PCDHGB3: variants seen among roughly 807,000 people sequenced by gnomAD.
PCDHGB3 encodes the protein protocadherin gamma-B3.
Under a neutral mutation model 59.2 loss-of-function variants are expected in PCDHGB3, and 40 were observed. The ratio of observed to expected loss-of-function variants is 0.68; its 90% confidence interval spans 0.52 to 0.88. The LOEUF is 0.88. PCDHGB3 is among the 40% of genes least tolerant of loss of function. The probability of loss-of-function intolerance (pLI) is 0.00; values close to 1 mark genes in which losing one functional copy is unlikely to be tolerated. For missense variants in PCDHGB3, 1,309 were observed against 1,187.9 expected, an observed-to-expected ratio of 1.10 and a Z score of -1.50; for synonymous variants, 581 against 503.6, an observed-to-expected ratio of 1.15 and a Z score of -2.06.
chr5:141,401,370 G>A (rs1226150761), intron 1 of PCDHGB3, among the ~76,000 whole-genome samples: 1 of 152,028 alleles, frequency 6.6e-6, no homozygotes, highest in Non-Finnish European at 1.5e-5. Flanking sequence ...AGGAGAGGAA[G>A]AAGAAGAAAA....
chr5:141,400,515 T>C lies in PCDHGB3; in HGVS notation c.2415+27706T>C, dbSNP rs367864769. On this transcript the variant is annotated intron_variant, in intron 1 of 3. Coordinates refer to ENST00000576222, the MANE Select transcript of PCDHGB3 (RefSeq NM_018924.5). ...GTAATTCCAGCGAGTCGACTTCCCATCCTGAGTTGGTGAGTTTCATTTATG... is the reference window on the plus strand; with the variant it reads ...GTAATTCCAGCGAGTCGACTTCCCACCCTGAGTTGGTGAGTTTCATTTATG... 2,129 of 1,613,988 alleles carry C rather than the reference T, an allele frequency of 1.3e-3. 41 individuals are homozygous for C. In the South Asian group the frequency reaches 0.02, roughly 15 times the overall value.
At chr5:141,389,828 A>C in intron 1 of PCDHGB3, 1 of 1,613,938 alleles carries the variant, frequency 6.2e-7, no homozygotes, top group Non-Finnish European at 8.5e-7. Flanking sequence ...GTGACGGTGG[A>C]CAGCCACCAC....
chr5:141,442,981 C>T (rs2098357132), intron 1 of PCDHGB3, among the ~76,000 whole-genome samples: 1 of 152,142 alleles, frequency 6.6e-6, no homozygotes, highest in African/African-American at 2.4e-5. Flanking sequence ...ATAAAGTTAG[C>T]CTATAATTTC....
intron 1 of PCDHGB3, chr5:141,484,875 T>G: frequency 3.2e-6 from 1 of 317,108 alleles, no homozygotes; most frequent in Non-Finnish European, 5.8e-6. Context: ...GCGTGGAGGA[T>G]AGGGTGGGCT....
rs1419819549 is a variant in PCDHGB3 at position 141,405,132 on chromosome 5, C to T, written c.2415+32323C>T. ...TGGCACTCCTCGCATCTGCTGCGGG[C>T]TACCAGTGATGGGTTGGCTGGTGTG... On this transcript the variant is annotated intron_variant, in intron 1 of 3. Transcript: ENST00000576222. 2 of 1,614,032 alleles carry T rather than the reference C, an allele frequency of 1.2e-6. No individual in the cohort carries two copies. Among genetic ancestry groups the T allele is most frequent in the East Asian group, 4.5e-5 (2 of 44,860 alleles).
At chr5:141,388,569 C>T (rs368780854) in intron 1 of PCDHGB3, 7 of 1,613,862 alleles carry the variant, frequency 4.3e-6, no homozygotes, top group African/African-American at 1.3e-5. Context: ...TGCACAGATA[C>T]ACGTTCTAGT....
rs79464787 is a variant in PCDHGB3, at chr5:141,480,455, T to C, written c.2416-14352T>C. Among the ~76,000 whole-genome samples the C allele has an allele frequency of 7.4e-3, 1,134 of 152,274 alleles. 17 individuals are homozygous for C. The highest frequency in any genetic ancestry group is 0.026 in the African/African-American group (1,086 of 41,548). ...CAGCTATTACTATAATTATTTTTAT[T>C]AGTTCCTCACTCACCTAAAATCTCA... On this transcript the variant is annotated intron_variant, in intron 1 of 3. Transcript: ENST00000576222.
In PCDHGB3 at chr5:141,477,292, A is replaced by G; in HGVS notation, c.2416-17515A>G. The G allele has an allele frequency of 1.2e-6, 2 of 1,614,114 alleles. No individual in the cohort carries two copies. The highest frequency in any genetic ancestry group is 4.5e-5 in the East Asian group (2 of 44,862). On this transcript the variant is annotated intron_variant, in intron 1 of 3. Transcript: ENST00000576222. The surrounding 1 kb of genome is among the most constrained non-coding windows in gnomAD (Gnocchi z 4.9). ...ACGGGCTGGTGACCTGCGAAGTTCCACCGGGTCTCCCTTTCAGCCTTACTT... is the reference window on the plus strand; with the variant it reads ...ACGGGCTGGTGACCTGCGAAGTTCCGCCGGGTCTCCCTTTCAGCCTTACTT...
intron 1 of PCDHGB3, among the ~76,000 whole-genome samples, chr5:141,445,554 C>T (rs898901856): frequency 3.3e-5 from 5 of 152,102 alleles, no homozygotes; most frequent in African/African-American, 1.2e-4. Context: ...TACAAAAGCA[C>T]TAAGAGAAAG....
At chr5:141,505,780 G>A (rs1595982811) in intron 3 of PCDHGB3, among the ~76,000 whole-genome samples, 1 of 139,456 alleles carries the variant, frequency 7.2e-6, no homozygotes, top group Non-Finnish European at 1.6e-5. Flanking sequence ...TCCTAGCTCT[G>A]CTACTATCCT....
chr5:141,434,877 C>A (rs1266355299), intron 1 of PCDHGB3, among the ~76,000 whole-genome samples: 1 of 151,612 alleles, frequency 6.6e-6, no homozygotes, highest in Non-Finnish European at 1.5e-5. Flanking sequence ...TGACAGATAC[C>A]AACAACAATC....
At chr5:141,409,866 G>T in intron 1 of PCDHGB3, 1 of 1,612,376 alleles carries the variant, frequency 6.2e-7, no homozygotes, top group Non-Finnish European at 8.5e-7. Context: ...GTGGGAGACC[G>T]CAATGACAAC....
chr5:141,460,961 ATGTGTGTG>A (rs35821115), intron 1 of PCDHGB3, among the ~76,000 whole-genome samples: 11 of 144,552 alleles, frequency 7.6e-5, no homozygotes, highest in South Asian at 2.2e-4. Context: ...GTATATATAT[ATGTGTGTG>A]TGTGTGTGTG....
At position 141,459,173 on chromosome 5, in the gene PCDHGB3, AG is replaced by A. The variant is rs370401072; in HGVS notation, c.2416-35633del. Among the ~76,000 whole-genome samples the A allele has an allele frequency of 3.1e-3, 479 of 152,326 alleles. 10 individuals carry two copies. In the South Asian group the frequency reaches 0.063, roughly 20 times the overall value. ...ATAGAACATTTCTATAACCTTCAAA[AG>A]TTCCCTCATGCCCCTTTGCAATCAA... On this transcript the variant is annotated intron_variant, in intron 1 of 3. Coordinates refer to ENST00000576222, the MANE Select transcript of PCDHGB3 (RefSeq NM_018924.5).
At chr5:141,507,896 G>A (rs1457319438) in intron 3 of PCDHGB3, among the ~76,000 whole-genome samples, 1 of 152,210 alleles carries the variant, frequency 6.6e-6, no homozygotes, top group African/African-American at 2.4e-5. Flanking sequence ...GGTTCCTGAA[G>A]TCCAGCCCAG....
chr5:141,415,461 T>C, intron 1 of PCDHGB3: 5 of 1,614,180 alleles, frequency 3.1e-6, no homozygotes, highest in Non-Finnish European at 4.2e-6. Context: ...ACGAGGTCTC[T>C]CTCACCGCGG....
intron 1 of PCDHGB3, chr5:141,383,667 A>G (rs1167694570): frequency 1.9e-6 from 3 of 1,614,020 alleles, no homozygotes; most frequent in Non-Finnish European, 2.5e-6. Context: ...AGAATGTGCC[A>G]GTGGGTACAA....
intron 1 of PCDHGB3, chr5:141,404,898 A>G (rs760424169): frequency 1.9e-6 from 3 of 1,613,714 alleles, no homozygotes; most frequent in Non-Finnish European, 2.5e-6. Context: ...GTACAGGACC[A>G]TGGCCAGCCC....
intron 1 of PCDHGB3, chr5:141,383,078 C>G (rs749152940): frequency 2.5e-6 from 4 of 1,613,840 alleles, no homozygotes; most frequent in South Asian, 2.2e-5. Flanking sequence ...CGGGAGCTGG[C>G]GGAGCGCGGA....
Sources: gnomAD v4.1 joint callset for allele counts (sites outside exome capture counted in the v4.1 genomes callset) on GRCh38, gnomAD v4.1.1 for gene constraint, Gnocchi (gnomAD v3.1) non-coding constraint, MANE v1.5 for transcripts, NCBI Gene and HGNC (gene_info 2026-07-23, HGNC 2026-07-21) for gene names.